NEURL1: variants seen among roughly 807,000 people sequenced by gnomAD.
NEURL1 encodes the protein E3 ubiquitin-protein ligase NEURL1.
NEURL1 carries 26 observed loss-of-function variants against 41.2 expected under a neutral mutation model. That is an observed-to-expected ratio of 0.63 (90% confidence interval 0.46 to 0.87). NEURL1 has a LOEUF of 0.87. NEURL1 is among the 40% of genes least tolerant of loss of function. The pLI is 0.00. For synonymous variants in NEURL1, 400 were observed against 402.3 expected (o/e 0.99, Z 0.07); for missense variants, 761 against 871.1 (o/e 0.87, Z 1.59).
chr10:103,543,596 A>G (rs2034865255), intron 1 of NEURL1, among the ~76,000 whole-genome samples: 1 of 152,256 alleles, frequency 6.6e-6, no homozygotes, highest in South Asian at 2.1e-4. Flanking sequence ...ATCTAGAGAT[A>G]AAAAGATACC....
chr10:103,558,571 C>T lies in NEURL1; in HGVS notation c.86-12301C>T, dbSNP rs773264639. On this transcript the variant is annotated intron_variant, in intron 1 of 5. Transcript: ENST00000369780. This position sits in a 1 kb window ranked among gnomAD's most constrained non-coding sequence, Gnocchi z 4.2. ...TGTAGTGGGGCTGGTGGTGAGGAGT[C>T]GGGCTCCTCTGGGACCAGCCTGGCA... Among the ~76,000 whole-genome samples, 6 of 148,880 alleles carry T rather than the reference C, an allele frequency of 4.0e-5. No individual in the cohort carries two copies. Among genetic ancestry groups the T allele is most frequent in the African/African-American group, 1.0e-4 (4 of 39,764 alleles).
rs1272014731 is a variant in NEURL1 at position 103,590,684 on chromosome 10, C to T, written c.*312C>T. The T allele has an allele frequency of 2.5e-6, 1 of 405,794 alleles. No homozygotes were observed. The highest frequency in any genetic ancestry group is 4.5e-6 in the Non-Finnish European group (1 of 221,248). The allele number at this position is 405,794 out of a possible 1,614,324, so 25.1% of individuals were successfully genotyped here. A position where few individuals can be genotyped will look rare whatever the true frequency, so the allele number is the denominator to read the frequency against. On this transcript the variant is annotated 3_prime_UTR_variant, in exon 6 of 6. Coordinates refer to ENST00000369780, the MANE Select transcript of NEURL1 (RefSeq NM_004210.5). ...GGGATCTCAGCCTGCCCTAATCTTT[C>T]CCCATCTGAGGCAGGTTTCTAGGAG...
chr10:103,495,834 G>A (rs1293283392), intron 1 of NEURL1, among the ~76,000 whole-genome samples: 1 of 152,214 alleles, frequency 6.6e-6, no homozygotes, highest in African/African-American at 2.4e-5. Flanking sequence ...TTGGCAGGGT[G>A]CGGTGGCTCA....
At chr10:103,544,701 T>C (rs771863865) in intron 1 of NEURL1, among the ~76,000 whole-genome samples, 8 of 152,186 alleles carry the variant, frequency 5.3e-5, no homozygotes, top group East Asian at 1.9e-4. Context: ...CCAGAGGGAA[T>C]TGGGCTTGGC....
At chr10:103,502,309 A>G (rs2033843681) in intron 1 of NEURL1, among the ~76,000 whole-genome samples, 1 of 152,150 alleles carries the variant, frequency 6.6e-6, no homozygotes, top group African/African-American at 2.4e-5. Flanking sequence ...TGGATGGCTT[A>G]AACAATGGAA....
chr10:103,542,440 T>A (rs141283948), intron 1 of NEURL1, among the ~76,000 whole-genome samples: 1 of 152,270 alleles, frequency 6.6e-6, no homozygotes, highest in African/African-American at 2.4e-5. Context: ...TTATTTATTT[T>A]TTTGTAGGGA....
At chr10:103,579,274 A>G (rs1259475761) in intron 3 of NEURL1, among the ~76,000 whole-genome samples, 1 of 152,244 alleles carries the variant, frequency 6.6e-6, no homozygotes, top group Non-Finnish European at 1.5e-5. Flanking sequence ...GTTTCAGCTC[A>G]GGTCAACTCC....
intron 1 of NEURL1, among the ~76,000 whole-genome samples, chr10:103,498,683 A>G (rs1442878788): frequency 6.6e-6 from 1 of 152,242 alleles, no homozygotes; most frequent in Admixed American, 6.5e-5. Flanking sequence ...ATGCCCATTA[A>G]GCAGTCACTC....
At chr10:103,588,428 G>A (rs910766047) in intron 4 of NEURL1, among the ~76,000 whole-genome samples, 4 of 152,198 alleles carry the variant, frequency 2.6e-5, no homozygotes, top group Non-Finnish European at 5.9e-5. Flanking sequence ...GTGCATGTGT[G>A]TGTGTACTTG....
chr10:103,538,946 T>G (rs982519368), intron 1 of NEURL1, among the ~76,000 whole-genome samples: 1 of 145,260 alleles, frequency 6.9e-6, no homozygotes, highest in Non-Finnish European at 1.5e-5. Context: ...CGCACCCGTT[T>G]TTTTTTTTTT....
At chr10:103,589,057 T>C in intron 4 of NEURL1, 2 of 388,244 alleles carry the variant, frequency 5.2e-6, no homozygotes, top group Non-Finnish European at 9.9e-6. Context: ...AGAGGTGCCA[T>C]GCAGAAAAGG....
chr10:103,501,656 G>T (rs923341549), intron 1 of NEURL1, among the ~76,000 whole-genome samples: 1 of 44,170 alleles, frequency 2.3e-5, no homozygotes, highest in East Asian at 1.9e-3. Flanking sequence ...TTTTGAGACG[G>T]AGTTTCCCTC....
At chr10:103,515,431 G>C (rs890436966) in intron 1 of NEURL1, 1 of 152,256 alleles carries the variant, frequency 6.6e-6, no homozygotes. Context: ...ATGTTAGAAA[G>C]TGTGGGCCTG....
At chr10:103,517,008 T>TCCTC (rs1385480193) in intron 1 of NEURL1, among the ~76,000 whole-genome samples, 3 of 146,040 alleles carry the variant, frequency 2.1e-5, no homozygotes, top group African/African-American at 7.8e-5. Context: ...CCTCCATCCT[T>TCCTC]CCTCCCTCCC....
In NEURL1 at chr10:103,566,178, TTCCTGGGCTCAAGCCA is replaced by T. The variant is rs2035420185; in HGVS notation, c.86-4689_86-4674del. On this transcript the variant is annotated intron_variant, in intron 1 of 5. Transcript: ENST00000369780. This position sits in a 1 kb window ranked among gnomAD's most constrained non-coding sequence, Gnocchi z 4.2. ...TATCATAGCTCACTGCAATCTCAAA[TTCCTGGGCTCAAGCCA>T]TCCTTGCGCTTCAGCCTCCCAAGTA... Among the ~76,000 whole-genome samples the T allele has an allele frequency of 6.6e-6, 1 of 151,904 alleles. No individual in the cohort carries two copies. Among genetic ancestry groups the T allele is most frequent in the Non-Finnish European group, 1.5e-5 (1 of 67,952 alleles).
intron 1 of NEURL1, among the ~76,000 whole-genome samples, chr10:103,557,011 G>A (rs2035171025): frequency 6.6e-6 from 1 of 152,238 alleles, no homozygotes; most frequent in Admixed American, 6.5e-5. Flanking sequence ...TCCCTAGAGG[G>A]TGAGACCACC....
At chr10:103,581,727 G>A (rs373495786) in intron 3 of NEURL1, among the ~76,000 whole-genome samples, 26 of 152,304 alleles carry the variant, frequency 1.7e-4, no homozygotes, top group African/African-American at 6.0e-4. Context: ...GCCTTGAGCT[G>A]GTTGGTGCAC....
chr10:103,552,056 C>T (rs1374792489), intron 1 of NEURL1, among the ~76,000 whole-genome samples: 3 of 148,468 alleles, frequency 2.0e-5, no homozygotes, highest in Admixed American at 2.0e-4. Flanking sequence ...GTGCCTGCTC[C>T]GGGCAGGGGC....
intron 1 of NEURL1, among the ~76,000 whole-genome samples, chr10:103,514,706 A>G (rs983342314): frequency 1.3e-5 from 2 of 152,156 alleles, no homozygotes; most frequent in African/African-American, 2.4e-5. Context: ...CTTGACTCTG[A>G]CACTTATTAA....
Sources: gnomAD v4.1 joint callset for allele counts (sites outside exome capture counted in the v4.1 genomes callset) on GRCh38, gnomAD v4.1.1 for gene constraint, Gnocchi (gnomAD v3.1) non-coding constraint, MANE v1.5 for transcripts, NCBI Gene and HGNC (gene_info 2026-07-23, HGNC 2026-07-21) for gene names.